TTC13: variants seen among roughly 807,000 people sequenced by gnomAD.
TTC13 encodes the protein tetratricopeptide repeat domain 13, also known as tetratricopeptide repeat protein 13.
TTC13 carries 62 observed loss-of-function variants against 120.0 expected under a neutral mutation model. That is an observed-to-expected ratio of 0.52 (90% CI 0.42 to 0.64). The LOEUF (loss-of-function observed/expected upper bound fraction) is 0.64. Among genes scored for constraint, TTC13 ranks in the 30% least tolerant of loss-of-function variants. The pLI, the probability that TTC13 is intolerant of heterozygous loss-of-function variation, is 0.00. For synonymous variants in TTC13, 384 were observed against 393.5 expected (o/e 0.98, Z 0.28); for missense variants, 824 against 1,050.2 (o/e 0.78, Z 2.98).
intron 8 of TTC13, chr1:230,936,176 A>C (rs1674037297): frequency 2.2e-6 from 1 of 456,190 alleles, no homozygotes; most frequent in Non-Finnish European, 4.4e-6. Context: ...TGGACGCCAC[A>C]GTTCTTCAAA....
At chr1:230,929,535 C>T (rs537850536) in intron 11 of TTC13, among the ~76,000 whole-genome samples, 10 of 152,050 alleles carry the variant, frequency 6.6e-5, no homozygotes, top group Non-Finnish European at 1.2e-4. Context: ...AGGATGGTCT[C>T]GATCTCCTGA....
At chr1:230,968,195 C>T (rs1291237490) in intron 1 of TTC13, among the ~76,000 whole-genome samples, 1 of 126,784 alleles carries the variant, frequency 7.9e-6, no homozygotes, top group African/African-American at 2.8e-5. Flanking sequence ...GGGGGGGGGG[C>T]CTTTTTGTTT....
Position 230,978,809 on chromosome 1 carries a change from A to AGCAGCAGCC in TTC13, c.13_21dup (p.Gly5_Cys7dup), listed in dbSNP as rs1678672132. Reference sequence around the variant, plus strand: ...GCGCCGCCCCAGAAGCAGCAGCAGCAGCAGCAGCCGGCAGGTGCCATCTTC... The same window carrying AGCAGCAGCC: ...GCGCCGCCCCAGAAGCAGCAGCAGCAGCAGCAGCCGCAGCAGCCGGCAGGTGCCATCTTC... On this transcript the variant is annotated inframe_insertion, in exon 1 of 23. Coordinates refer to ENST00000366661, the MANE Select transcript of TTC13 (RefSeq NM_024525.5). The surrounding 1 kb of genome is among the most constrained non-coding windows in gnomAD (Gnocchi z 5.6). 3 of 1,493,230 alleles carry AGCAGCAGCC rather than the reference A, an allele frequency of 2.0e-6. No individual in the cohort carries two copies. In the African/African-American group the frequency reaches 4.4e-5, roughly 22 times the overall value. 92.5% of individuals were successfully genotyped at this position (1,493,230 alleles called of 1,614,324 possible).
rs756718648 is a variant in TTC13, at chr1:230,942,686, ATTATT to A, written c.672+1115_672+1119del. Reference sequence around the variant, plus strand: ...AACACATATGAAGCCTAGATAGCTTATTATTTTAAGAAAGTAAAACAAACACATTT... The same window carrying A: ...AACACATATGAAGCCTAGATAGCTTATTAAGAAAGTAAAACAAACACATTT... On this transcript the variant is annotated intron_variant, in intron 6 of 22. Coordinates refer to ENST00000366661, the MANE Select transcript of TTC13 (RefSeq NM_024525.5). This position sits in a 1 kb window ranked among gnomAD's most constrained non-coding sequence, Gnocchi z 4.0. 2.6e-5 allele frequency among the ~76,000 whole-genome samples: 4 copies of A among 152,216 alleles called. No homozygotes were observed. The highest frequency in any genetic ancestry group is 2.6e-4 in the Admixed American group (4 of 15,280).
At chr1:230,969,264 A>AAAAAGAAAAGAAAAG (rs59423340) in intron 1 of TTC13, among the ~76,000 whole-genome samples, 51 of 150,022 alleles carry the variant, frequency 3.4e-4, no homozygotes, top group Admixed American at 8.6e-4. Flanking sequence ...TCCATCTCAA[A>AAAAAGAAAAGAAAAG]AAAAGAAAAG....
intron 12 of TTC13, 91 bp downstream of exon 12, chr1:230,928,846 C>T: frequency 7.1e-7 from 1 of 1,399,522 alleles, no homozygotes; most frequent in Non-Finnish European, 9.9e-7. Context: ...CCTCACCCTC[C>T]CAAGTAGCAG....
chr1:230,964,239 G>A (rs11122167), intron 1 of TTC13, among the ~76,000 whole-genome samples: 14,161 of 152,208 alleles, frequency 0.093, 680 homozygotes, highest in Middle Eastern at 0.2. Context: ...ATTTCAGTAA[G>A]TATTCTTGAC....
chr1:230,978,763 G>A lies in TTC13; in HGVS notation c.68C>T (p.Ala23Val), dbSNP rs1051570112. Residue 23 changes from alanine (A) to valine (V), a missense_variant, in exon 1 of 23, where the codon GCC becomes GTC. Ala to Val is a moderately conservative substitution (Grantham distance 64, BLOSUM62 0). Transcript: ENST00000366661. This position sits in a 1 kb window ranked among gnomAD's most constrained non-coding sequence, Gnocchi z 5.6. ...CAGCAGCAGCAGCAGGACACGCCGG[G>A]CGGCGCCCGCGGCGGCCACAGCGCC... ...WGGAVAAAGA[A>V]RRVLLLLLLG... is the part of the protein sequence containing the mutation. 8.8e-5 allele frequency: 132 copies of A among 1,499,478 alleles called. No homozygotes were observed. Among genetic ancestry groups the A allele is most frequent in the Non-Finnish European group, 1.1e-4 (121 of 1,133,830 alleles). The allele number at this position is 1,499,478 out of a possible 1,614,324, so 92.9% of individuals were successfully genotyped here.
chr1:230,924,056 G>A, intron 14 of TTC13, 123 bp from the exon 15 acceptor site: 1 of 609,874 alleles, frequency 1.6e-6, no homozygotes, highest in Non-Finnish European at 2.8e-6. Context: ...AAAACGTGAT[G>A]TCCATACCTA....
At chr1:230,916,156 G>T in intron 18 of TTC13, 37 bp downstream of exon 18, 1 of 1,473,850 alleles carries the variant, frequency 6.8e-7, no homozygotes, top group Non-Finnish European at 9.5e-7. Context: ...TTCCTGCCTC[G>T]TCTCTAGTTT....
At position 230,973,985 on chromosome 1, in the gene TTC13, G is replaced by A. The variant is rs112130365; in HGVS notation, c.271+4575C>T. 2.8e-3 allele frequency among the ~76,000 whole-genome samples: 420 copies of A among 151,572 alleles called. 4 individuals carry two copies. The highest frequency in any genetic ancestry group is 9.1e-3 in the African/African-American group (376 of 41,294). The stretch of plus-strand genomic sequence containing the variant: ...CCAGCTACTTGGGAGGCTGAGGCAG[G>A]AGAATCACTTGAACCTGGGAGGCAG... On this transcript the variant is annotated intron_variant, in intron 1 of 22. Coordinates refer to ENST00000366661, the MANE Select transcript of TTC13 (RefSeq NM_024525.5).
intron 3 of TTC13, among the ~76,000 whole-genome samples, chr1:230,957,004 G>A (rs1676150115): frequency 6.6e-6 from 1 of 151,974 alleles, no homozygotes; most frequent in African/African-American, 2.4e-5. Context: ...GGGTCTACTA[G>A]GATTATTCTT....
rs1201354522 is a variant in TTC13 at position 230,958,284 on chromosome 1, T to C, written c.382A>G (p.Ile128Val). 3 of 1,603,312 alleles carry C rather than the reference T, an allele frequency of 1.9e-6. No individual in the cohort carries two copies. Among genetic ancestry groups the C allele is most frequent in the Non-Finnish European group, 2.5e-6 (3 of 1,177,552 alleles). ...AACGGGAATCTCTTCTGTTCTGCAA[T>C]AGACTTGGCCTGGCTCTGGGAAAAA... ...TEKILSQAKS[I>V]AEQKRFPFAT... Residue 128 changes from isoleucine (I) to valine (V), a missense_variant, in exon 3 of 23, where the codon ATT (isoleucine) becomes GTT (valine). By Grantham distance (29) the Ile-to-Val change is conservative. Coordinates refer to ENST00000366661, the MANE Select transcript of TTC13 (RefSeq NM_024525.5).
intron 2 of TTC13, among the ~76,000 whole-genome samples, chr1:230,959,727 A>C (rs1676448311): frequency 6.6e-6 from 1 of 152,226 alleles, no homozygotes; most frequent in African/African-American, 2.4e-5. Flanking sequence ...TCCTATTTCT[A>C]ATACTGCATC....
chr1:230,968,247 C>T (rs1276556342), intron 1 of TTC13, among the ~76,000 whole-genome samples: 2 of 148,712 alleles, frequency 1.3e-5, no homozygotes, highest in Admixed American at 6.7e-5. Context: ...TAAAAGCAAT[C>T]GCCTTAGCCA....
intron 18 of TTC13, among the ~76,000 whole-genome samples, chr1:230,913,283 G>A (rs1017158573): frequency 2.6e-5 from 4 of 152,218 alleles, no homozygotes; most frequent in Non-Finnish European, 2.9e-5. Flanking sequence ...CTAGCAAAGT[G>A]TTGCATTTAG....
chr1:230,912,543 T>G, intron 19 of TTC13, 80 bp downstream of exon 19: 1 of 1,468,340 alleles, frequency 6.8e-7, no homozygotes, highest in Non-Finnish European at 9.3e-7. Context: ...ATGTACAATC[T>G]CAGTGAAAGG....
intron 4 of TTC13, among the ~76,000 whole-genome samples, chr1:230,948,213 C>T (rs1675190171): frequency 6.6e-6 from 1 of 152,112 alleles, no homozygotes; most frequent in Non-Finnish European, 1.5e-5. Context: ...CCAGTACACA[C>T]ATACACATGT....
intron 6 of TTC13, among the ~76,000 whole-genome samples, chr1:230,941,203 C>T (rs1005462116): frequency 1.3e-5 from 2 of 152,086 alleles, no homozygotes; most frequent in African/African-American, 4.8e-5. Flanking sequence ...AAAAGTAAAC[C>T]AAAAAGACAT....
Sources: allele counts gnomAD v4.1 joint callset (sites outside exome capture counted in the v4.1 genomes callset), GRCh38; gene constraint gnomAD v4.1.1; non-coding constraint Gnocchi (gnomAD v3.1); transcripts MANE v1.5; gene names NCBI Gene and HGNC (gene_info 2026-07-23, HGNC 2026-07-21).